The following RBFOX1 variants were observed in gnomAD, a reference collection of about 807,000 sequenced individuals.
RBFOX1 encodes RNA binding protein fox-1 homolog 1.
A neutral mutation model predicts 57.7 loss-of-function variants in RBFOX1; 8 were observed. That is an observed-to-expected ratio of 0.14 (90% CI 0.08 to 0.25). The LOEUF (loss-of-function observed/expected upper bound fraction) is 0.25. Among genes scored for constraint, RBFOX1 ranks in the 10% least tolerant of loss-of-function variants. The probability of loss-of-function intolerance (pLI) is 1.00; values close to 1 mark genes in which losing one functional copy is unlikely to be tolerated. For missense variants in RBFOX1, 611 were observed against 548.5 expected, an observed-to-expected ratio of 1.11 and a Z score of -1.14; for synonymous variants, 326 against 222.4, an observed-to-expected ratio of 1.47 and a Z score of -4.15.
At chr16:5,725,268 G>C (rs2052099866) in intron 3 of RBFOX1, among the ~76,000 whole-genome samples, 1 of 152,054 alleles carries the variant, frequency 6.6e-6, no homozygotes, top group African/African-American at 2.4e-5. Context: ...TTAAGAGACA[G>C]GGTCTTGCTC....
chr16:6,653,830 G>C (rs1426989180), intron 2 of RBFOX1, among the ~76,000 whole-genome samples: 1 of 151,614 alleles, frequency 6.6e-6, no homozygotes, highest in Non-Finnish European at 1.5e-5. Flanking sequence ...GAAGGATGCA[G>C]GATAGATGGA....
intron 2 of RBFOX1, among the ~76,000 whole-genome samples, chr16:5,533,987 G>A (rs184549660): frequency 2.1e-4 from 32 of 152,286 alleles, no homozygotes; most frequent in African/African-American, 7.7e-4. Context: ...CGGAGGCTAT[G>A]TTGCCAGGGT....
intron 3 of RBFOX1, among the ~76,000 whole-genome samples, chr16:5,661,712 AT>A (rs1424000533): frequency 1.3e-5 from 2 of 152,214 alleles, no homozygotes; most frequent in African/African-American, 4.8e-5. Context: ...CTGCTGTCTT[AT>A]CAAATTTTAA....
intron 4 of RBFOX1, among the ~76,000 whole-genome samples, chr16:7,403,926 T>TAA (rs1347727385): frequency 3.3e-5 from 5 of 150,444 alleles, no homozygotes; most frequent in East Asian, 3.9e-4. Flanking sequence ...TATATATATA[T>TAA]AACCTTTTTA....
At chr16:5,906,672 G>C (rs1365918978) in intron 4 of RBFOX1, among the ~76,000 whole-genome samples, 7 of 150,346 alleles carry the variant, frequency 4.7e-5, no homozygotes, top group Non-Finnish European at 7.4e-5. Context: ...GTTGGCTGCT[G>C]AGTGTTGTCG....
At chr16:5,760,670 A>T (rs767838370) in intron 3 of RBFOX1, among the ~76,000 whole-genome samples, 1 of 152,222 alleles carries the variant, frequency 6.6e-6, no homozygotes, top group Admixed American at 6.5e-5. Flanking sequence ...TGTACAATTC[A>T]ATTTATATGA....
chr16:7,151,008 G>C (rs1393510736), intron 4 of RBFOX1, among the ~76,000 whole-genome samples: 1 of 152,188 alleles, frequency 6.6e-6, no homozygotes. Context: ...TCTGAAAGCA[G>C]ATACGCTCCT....
chr16:7,657,376 C>A (rs1442759323), intron 12 of RBFOX1, among the ~76,000 whole-genome samples: 1 of 152,210 alleles, frequency 6.6e-6, no homozygotes, highest in East Asian at 1.9e-4. Context: ...ACGATCTCGA[C>A]TCACTGCAAC....
chr16:7,032,361 C>G (rs553138359), intron 3 of RBFOX1, among the ~76,000 whole-genome samples: 1 of 152,024 alleles, frequency 6.6e-6, no homozygotes, highest in African/African-American at 2.4e-5. Context: ...ACAAGAATTG[C>G]TTGAACCCAG....
At position 5,855,126 on chromosome 16, in the gene RBFOX1, T is replaced by A. The variant is rs539026042; in HGVS notation, c.319-12177T>A. Among the ~76,000 whole-genome samples the A allele has an allele frequency of 2.0e-5, 3 of 152,336 alleles. No homozygotes were observed. In the East Asian group the frequency reaches 5.8e-4, roughly 29 times the overall value. ...AGTGCCTCATATATTTTGAATATTA[T>A]CCCCTTATTAGATATATAGTTTAGA... On this transcript the variant is annotated intron_variant, in intron 3 of 19. Transcript: ENST00000641259.
intron 1 of RBFOX1, among the ~76,000 whole-genome samples, chr16:6,072,598 C>T (rs751304553): frequency 2.2e-4 from 33 of 151,514 alleles, no homozygotes; most frequent in Admixed American, 2.0e-3. Context: ...CCAGTTTTTC[C>T]ACTTCCAGGC....
At position 7,191,643 on chromosome 16, in the gene RBFOX1, A is replaced by G. The variant is rs188946610; in HGVS notation, c.27+139545A>G. ...GATTAGATTTGCTTTTAAGCTAGGC[A>G]TATCATTACAGTGCGTGTTTCCGTC... On this transcript the variant is annotated intron_variant, in intron 4 of 15. Coordinates refer to ENST00000550418, the MANE Select transcript of RBFOX1 (RefSeq NM_018723.4). Among the ~76,000 whole-genome samples, 1,472 of 152,378 alleles carry G rather than the reference A, an allele frequency of 9.7e-3. 11 individuals carry two copies. The highest frequency in any genetic ancestry group is 0.015 in the Non-Finnish European group (1,025 of 68,042).
intron 2 of RBFOX1, among the ~76,000 whole-genome samples, chr16:6,320,244 C>G (rs902824487): frequency 6.6e-5 from 10 of 152,136 alleles, no homozygotes; most frequent in African/African-American, 2.4e-4. Context: ...AGACTCGCAG[C>G]TTTTGTCCCT....
At chr16:5,664,500 T>G (rs553213055) in intron 3 of RBFOX1, among the ~76,000 whole-genome samples, 1 of 152,024 alleles carries the variant, frequency 6.6e-6, no homozygotes, top group African/African-American at 2.4e-5. Context: ...TGAACCGAGA[T>G]TGCATCACTG....
chr16:6,668,959 G>A (rs1021174147), intron 3 of RBFOX1, among the ~76,000 whole-genome samples: 36 of 152,208 alleles, frequency 2.4e-4, no homozygotes, highest in Admixed American at 5.9e-4. Context: ...GCTTTTTTGT[G>A]ATGAGTGGAG....
rs141940868 is a variant in RBFOX1 at position 7,688,260 on chromosome 16, TGAGA to T, written c.995+11443_995+11446del. ...GTGTGTGTGTGTGTGTGTGTGTGTG[TGAGA>T]GAGAGAGAGAGAGAGAGAGATTCAA... On this transcript the variant is annotated intron_variant, in intron 14 of 15. Transcript: ENST00000550418. Among the ~76,000 whole-genome samples, 480 of 125,352 alleles carry T rather than the reference TGAGA, an allele frequency of 3.8e-3. 1 individual carries two copies. The highest frequency in any genetic ancestry group is 0.016 in the Middle Eastern group (4 of 250). 82.2% of individuals were successfully genotyped at this position (125,352 alleles called of 152,430 possible). A position where few individuals can be genotyped will look rare whatever the true frequency, so the allele number is the denominator to read the frequency against.
intron 3 of RBFOX1, among the ~76,000 whole-genome samples, chr16:6,907,450 G>A (rs1013535882): frequency 5.3e-5 from 8 of 152,208 alleles, no homozygotes; most frequent in African/African-American, 1.9e-4. Context: ...GGAATTGATC[G>A]TCTTGTGTTC....
chr16:5,641,634 A>C (rs1442073113), intron 3 of RBFOX1, among the ~76,000 whole-genome samples: 1 of 152,188 alleles, frequency 6.6e-6, no homozygotes, highest in Non-Finnish European at 1.5e-5. Context: ...CAGACCTGGC[A>C]CTGCAGTGGC....
intron 3 of RBFOX1, among the ~76,000 whole-genome samples, chr16:5,701,745 C>A (rs910129119): frequency 6.6e-6 from 1 of 152,092 alleles, no homozygotes; most frequent in Admixed American, 6.5e-5. Flanking sequence ...AGGTGGAGGA[C>A]CTTTGATGAC....
Sources: allele counts gnomAD v4.1 joint callset (sites outside exome capture counted in the v4.1 genomes callset), GRCh38; gene constraint gnomAD v4.1.1; transcripts MANE v1.5; gene names NCBI Gene and HGNC (gene_info 2026-07-23, HGNC 2026-07-21).